The following IP6K1 variants were observed in gnomAD, a reference collection of about 807,000 sequenced individuals.
The protein encoded by IP6K1 is inositol hexakisphosphate kinase 1, also known as ATP:1D-myo-inositol-hexakisphosphate phosphotransferase.
In IP6K1, 13 loss-of-function variants were observed where a neutral mutation model predicts 38.3. That is an observed-to-expected ratio of 0.34 (90% CI 0.22 to 0.54). The LOEUF (loss-of-function observed/expected upper bound fraction) is 0.54, where lower values mean the gene tolerates loss of function less well. Among genes scored for constraint, IP6K1 ranks in the 20% least tolerant of loss-of-function variants. The pLI is 0.92. For synonymous variants in IP6K1, 212 were observed against 229.9 expected (o/e 0.92, Z 0.70); for missense variants, 397 against 599.8 (o/e 0.66, Z 3.53).
chr3:49,739,236 T>A (rs1336197385), intron 2 of IP6K1, among the ~76,000 whole-genome samples: 1 of 152,202 alleles, frequency 6.6e-6, no homozygotes, highest in African/African-American at 2.4e-5. Flanking sequence ...ATGTACACAG[T>A]TGGCTCTATA....
intron 1 of IP6K1, among the ~76,000 whole-genome samples, chr3:49,760,223 A>T (rs1407691149): frequency 6.6e-6 from 1 of 152,140 alleles, no homozygotes; most frequent in Non-Finnish European, 1.5e-5. Context: ...TACTTTAAAT[A>T]TTAGAAAAGC....
At position 49,763,340 on chromosome 3, in the gene IP6K1, C is replaced by G. The variant is rs548474396; in HGVS notation, c.-128-15172G>C. Among the ~76,000 whole-genome samples, 8 of 148,846 alleles carry G rather than the reference C, an allele frequency of 5.4e-5. No homozygotes were observed. In the South Asian group the frequency reaches 1.5e-3, roughly 28 times the overall value. ...CAGGATGGTCTCGATCTCCTGACCTCGTGATCCACCCGCCTCGGGCTCCCA... is the reference window on the plus strand; with the variant it reads ...CAGGATGGTCTCGATCTCCTGACCTGGTGATCCACCCGCCTCGGGCTCCCA... On this transcript the variant is annotated intron_variant, in intron 1 of 5. Transcript: ENST00000321599.
chr3:49,732,029 T>C (rs560053643), intron 4 of IP6K1, among the ~76,000 whole-genome samples: 2 of 152,148 alleles, frequency 1.3e-5, no homozygotes, highest in South Asian at 4.2e-4. Context: ...CTCGACTTCC[T>C]GGGCTCAAGC....
intron 3 of IP6K1, among the ~76,000 whole-genome samples, chr3:49,734,145 T>C (rs1486714882): frequency 1.3e-5 from 2 of 151,746 alleles, no homozygotes; most frequent in East Asian, 3.9e-4. Flanking sequence ...TAAAAATAAA[T>C]AAATAATAAA....
intron 1 of IP6K1, among the ~76,000 whole-genome samples, chr3:49,776,230 A>C (rs1482626714): frequency 2.6e-5 from 4 of 152,128 alleles, no homozygotes; most frequent in African/African-American, 9.7e-5. Context: ...ACAAAAAGTA[A>C]ATCAGGACAG....
In IP6K1 at chr3:49,724,446, G is replaced by C. The variant is rs1481884790; in HGVS notation, c.*2676C>G. ...AAACGCAACTGCGGCGGGAGCCACC[G>C]GCGCAGGCCTCGGGCGGTGGAGACA... On this transcript the variant is annotated 3_prime_UTR_variant, in exon 6 of 6. Coordinates refer to ENST00000321599, the MANE Select transcript of IP6K1 (RefSeq NM_153273.4). 1 of 152,244 alleles carries C rather than the reference G, an allele frequency of 6.6e-6. No homozygotes were observed. Among genetic ancestry groups the C allele is most frequent in the Non-Finnish European group, 1.5e-5 (1 of 68,070 alleles). 9.4% of individuals were successfully genotyped at this position (152,244 alleles called of 1,614,324 possible).
At chr3:49,728,354 A>G (rs1218011543) in intron 4 of IP6K1, 76 bp from the exon 5 acceptor site, 1 of 1,457,756 alleles carries the variant, frequency 6.9e-7, no homozygotes, top group Non-Finnish European at 9.5e-7. Context: ...CAGTTTTTCT[A>G]TAAAAGGGGG....
At chr3:49,783,765 T>A (rs2081088482) in intron 1 of IP6K1, among the ~76,000 whole-genome samples, 1 of 151,580 alleles carries the variant, frequency 6.6e-6, no homozygotes, top group South Asian at 2.1e-4. Context: ...ATCCCCCTCC[T>A]TTCAAGAACT....
chr3:49,742,298 C>T (rs1206862166), intron 2 of IP6K1, among the ~76,000 whole-genome samples: 1 of 152,102 alleles, frequency 6.6e-6, no homozygotes, highest in Non-Finnish European at 1.5e-5. Flanking sequence ...GCCTGTAATC[C>T]CAGCACTTTG....
At position 49,725,814 on chromosome 3, in the gene IP6K1, C is replaced by T. The variant is rs1240710658; in HGVS notation, c.*1308G>A. ...TAAGGGTTGAGGGCCATATTCTAGG[C>T]CCACAGAAATGGTGCTGGGTCAACA... On this transcript the variant is annotated 3_prime_UTR_variant, in exon 6 of 6. Transcript: ENST00000321599. 1 of 152,466 alleles carries T rather than the reference C, an allele frequency of 6.6e-6. No individual in the cohort carries two copies. The highest frequency in any genetic ancestry group is 1.5e-5 in the Non-Finnish European group (1 of 68,048). 9.4% of individuals were successfully genotyped at this position (152,466 alleles called of 1,614,324 possible).
rs367711017 is a variant in IP6K1 at position 49,734,813 on chromosome 3, T to G, written c.435-1841A>C. Among the ~76,000 whole-genome samples the G allele has an allele frequency of 8.5e-5, 13 of 152,310 alleles. No homozygotes were observed. In the South Asian group the frequency reaches 2.7e-3, roughly 32 times the overall value. On this transcript the variant is annotated intron_variant, in intron 3 of 5. Transcript: ENST00000321599. ...CGTCTGGATGAAGCCCCCACGGTACTTGGTATCACACCTTTTGTGTTGCAG... is the reference window on the plus strand; with the variant it reads ...CGTCTGGATGAAGCCCCCACGGTACGTGGTATCACACCTTTTGTGTTGCAG...
intron 1 of IP6K1, among the ~76,000 whole-genome samples, chr3:49,753,434 C>G (rs942324293): frequency 6.6e-6 from 1 of 152,250 alleles, no homozygotes; most frequent in East Asian, 1.9e-4. Flanking sequence ...ATTGGCTCTT[C>G]TTTTTCTTTT....
intron 1 of IP6K1, among the ~76,000 whole-genome samples, chr3:49,771,598 G>A (rs1453249176): frequency 6.6e-6 from 1 of 152,096 alleles, no homozygotes; most frequent in East Asian, 1.9e-4. Flanking sequence ...ATACATTACT[G>A]GTGAGAGTGT....
chr3:49,732,529 T>C (rs1559702021), intron 4 of IP6K1, among the ~76,000 whole-genome samples: 1 of 152,220 alleles, frequency 6.6e-6, no homozygotes, highest in Non-Finnish European at 1.5e-5. Context: ...GCTACCATAC[T>C]GAAAAGCACA....
intron 2 of IP6K1, 36 bp from the exon 3 acceptor site, chr3:49,738,458 A>C (rs1460389778): frequency 6.5e-7 from 1 of 1,528,362 alleles, no homozygotes; most frequent in Non-Finnish European, 9.1e-7. Flanking sequence ...ACAAATGTCA[A>C]CACAGGCCGA....
chr3:49,730,555 CT>C (rs201843545), intron 4 of IP6K1, among the ~76,000 whole-genome samples: 3 of 151,172 alleles, frequency 2.0e-5, no homozygotes, highest in East Asian at 3.9e-4. Flanking sequence ...CATTTCTTTT[CT>C]TTTTTTTTAG....
intron 1 of IP6K1, among the ~76,000 whole-genome samples, chr3:49,777,146 A>G (rs1270535188): frequency 3.4e-5 from 5 of 148,292 alleles, no homozygotes; most frequent in East Asian, 4.1e-4. Context: ...TGAGGCACAA[A>G]AATCACTTGA....
At chr3:49,748,707 C>G (rs761235862) in intron 1 of IP6K1, among the ~76,000 whole-genome samples, 8 of 152,084 alleles carry the variant, frequency 5.3e-5, no homozygotes, top group Non-Finnish European at 1.0e-4. Flanking sequence ...GGACAGTGGT[C>G]CCCAAATTTT....
chr3:49,782,374 T>C (rs2081072675), intron 1 of IP6K1, among the ~76,000 whole-genome samples: 1 of 152,028 alleles, frequency 6.6e-6, no homozygotes, highest in Non-Finnish European at 1.5e-5. Flanking sequence ...TTTCACCATG[T>C]TGGTCAGGCT....
Sources: allele counts gnomAD v4.1 joint callset (sites outside exome capture counted in the v4.1 genomes callset), GRCh38; gene constraint gnomAD v4.1.1; transcripts MANE v1.5; gene names NCBI Gene and HGNC (gene_info 2026-07-23, HGNC 2026-07-21).